Variants in EVI5 observed in about 807,000 individuals in gnomAD.
EVI5 encodes the protein ecotropic viral integration site 5 protein homolog.
In EVI5, 73 loss-of-function variants were observed where a neutral mutation model predicts 112.0. The observed-to-expected ratio is 0.65, with a 90% CI of 0.54 to 0.79. The LOEUF (loss-of-function observed/expected upper bound fraction) is 0.79, where lower values mean the gene tolerates loss of function less well. EVI5 is among the 30% of genes least tolerant of loss of function. The pLI is 0.00. For synonymous variants in EVI5, 305 were observed against 319.9 expected, an observed-to-expected ratio of 0.95 and a Z score of 0.50; for missense variants, 900 against 968.8, an observed-to-expected ratio of 0.93 and a Z score of 0.94.
intron 16 of EVI5, among the ~76,000 whole-genome samples, chr1:92,622,676 A>G (rs1422274363): frequency 6.6e-6 from 1 of 152,234 alleles, no homozygotes; most frequent in Non-Finnish European, 1.5e-5. Flanking sequence ...TCATTTATCA[A>G]TGTAAAAATT....
intron 1 of EVI5, among the ~76,000 whole-genome samples, chr1:92,763,953 A>T (rs1682252030): frequency 6.6e-6 from 1 of 152,232 alleles, no homozygotes; most frequent in Non-Finnish European, 1.5e-5. Flanking sequence ...TGCCTGTATC[A>T]GAGGCAAATG....
chr1:92,694,938 G>C (rs1222712801), intron 7 of EVI5, among the ~76,000 whole-genome samples: 1 of 152,108 alleles, frequency 6.6e-6, no homozygotes, highest in Non-Finnish European at 1.5e-5. Context: ...AATATTAACT[G>C]TAAGACAAAT....
intron 19 of EVI5, among the ~76,000 whole-genome samples, chr1:92,553,903 C>T (rs1039655205): frequency 1.3e-5 from 2 of 152,178 alleles, no homozygotes; most frequent in Admixed American, 6.5e-5. Flanking sequence ...AAACAGAATG[C>T]TTTTAACAGC....
chr1:92,733,410 T>TC (rs1260054251), intron 2 of EVI5, among the ~76,000 whole-genome samples: 1 of 151,162 alleles, frequency 6.6e-6, no homozygotes, highest in African/African-American at 2.4e-5. Context: ...TATCATCTTT[T>TC]TTTTTTTTTT....
At position 92,693,782 on chromosome 1, in the gene EVI5, C is replaced by T; in HGVS notation, c.1097+20G>A. On this transcript the variant is annotated intron_variant, in intron 9 of 19. Coordinates refer to ENST00000684568, the MANE Select transcript of EVI5 (RefSeq NM_001350197.2). Reference sequence around the variant, plus strand: ...TTTGCAACTTCCACTGAATTTCCAACAAAAATATAAAATACTTACTTTTTC... The same window carrying T: ...TTTGCAACTTCCACTGAATTTCCAATAAAAATATAAAATACTTACTTTTTC... 7.2e-7 allele frequency: 1 copy of T among 1,389,318 alleles called. No individual in the cohort carries two copies. The highest frequency in any genetic ancestry group is 1.0e-6 in the Non-Finnish European group (1 of 985,280). 86.1% of individuals were successfully genotyped at this position (1,389,318 alleles called of 1,614,324 possible). A position where few individuals can be genotyped will look rare whatever the true frequency, so the allele number is the denominator to read the frequency against.
intron 9 of EVI5, among the ~76,000 whole-genome samples, chr1:92,690,412 A>C (rs1669306177): frequency 6.6e-6 from 1 of 151,732 alleles, no homozygotes; most frequent in African/African-American, 2.4e-5. Context: ...ACAGTGACGC[A>C]ATCACAGTTC....
At chr1:92,785,271 CT>C (rs1443335875), upstream of EVI5, among the ~76,000 whole-genome samples, 8 of 152,244 alleles carry the variant, frequency 5.3e-5, no homozygotes, top group Non-Finnish European at 1.5e-5. Flanking sequence ...CTCCGCCTCT[CT>C]TTCAAAGCAC....
chr1:92,669,451 G>A (rs1198385878), intron 10 of EVI5, among the ~76,000 whole-genome samples: 3 of 148,814 alleles, frequency 2.0e-5, no homozygotes, highest in Non-Finnish European at 4.4e-5. Context: ...AGGAGGCTGA[G>A]GCAGGAGAAT....
chr1:92,553,183 C>T (rs778074217), intron 19 of EVI5, among the ~76,000 whole-genome samples: 17 of 151,042 alleles, frequency 1.1e-4, no homozygotes, highest in South Asian at 4.2e-4. Context: ...CAGGCTGGAA[C>T]GCAGTGGTAC....
chr1:92,730,015 A>G (rs1256463856), intron 2 of EVI5, among the ~76,000 whole-genome samples: 1 of 152,218 alleles, frequency 6.6e-6, no homozygotes, highest in East Asian at 1.9e-4. Context: ...AGTAGAGGCA[A>G]AAAAAGCATT....
chr1:92,529,222 T>G (rs1367952994), intron 19 of EVI5, among the ~76,000 whole-genome samples: 1 of 152,220 alleles, frequency 6.6e-6, no homozygotes, highest in African/African-American at 2.4e-5. Flanking sequence ...AGGAAAAGAA[T>G]AACTGGTTTG....
At chr1:92,687,463 T>C (rs1668748075) in intron 9 of EVI5, among the ~76,000 whole-genome samples, 2 of 152,100 alleles carry the variant, frequency 1.3e-5, no homozygotes, top group Admixed American at 1.3e-4. Flanking sequence ...GCAGTACCAT[T>C]CAGGACATAG....
intron 19 of EVI5, among the ~76,000 whole-genome samples, chr1:92,521,757 A>G (rs1483070129): frequency 2.0e-5 from 3 of 152,182 alleles, no homozygotes; most frequent in African/African-American, 7.2e-5. Flanking sequence ...AAAATTATCA[A>G]TGATTTCATG....
At chr1:92,623,056 C>T (rs1358834750) in intron 16 of EVI5, among the ~76,000 whole-genome samples, 4 of 127,532 alleles carry the variant, frequency 3.1e-5, no homozygotes, top group Non-Finnish European at 6.5e-5. Flanking sequence ...TGAAATAAAT[C>T]CTCAACAATG....
At chr1:92,590,904 C>G (rs547819703) in intron 18 of EVI5, among the ~76,000 whole-genome samples, 1 of 152,344 alleles carries the variant, frequency 6.6e-6, no homozygotes, top group Admixed American at 6.5e-5. Context: ...ATTAGACTAA[C>G]AGCTGATCTC....
intron 13 of EVI5, among the ~76,000 whole-genome samples, chr1:92,661,816 C>T (rs1664064838): frequency 6.6e-6 from 1 of 152,046 alleles, no homozygotes; most frequent in South Asian, 2.1e-4. Flanking sequence ...AAAGAACGTC[C>T]TACTTTGCAG....
chr1:92,551,245 C>G (rs544561158), intron 19 of EVI5, among the ~76,000 whole-genome samples: 90 of 140,500 alleles, frequency 6.4e-4, no homozygotes, highest in Non-Finnish European at 1.0e-3. Flanking sequence ...GTTGCTCAGG[C>G]TGATCTTGAA....
chr1:92,642,108 G>T (rs1660091450), intron 13 of EVI5, among the ~76,000 whole-genome samples: 2 of 151,926 alleles, frequency 1.3e-5, no homozygotes, highest in South Asian at 4.1e-4. Flanking sequence ...TCCAGCCTGG[G>T]CAACAGAGCG....
chr1:92,630,742 C>A (rs1162265478), intron 14 of EVI5, among the ~76,000 whole-genome samples: 6 of 152,046 alleles, frequency 3.9e-5, no homozygotes, highest in Admixed American at 3.9e-4. Flanking sequence ...AAGTCCTTGC[C>A]CACGCCTATG....
Sources: gnomAD v4.1 joint callset for allele counts (sites outside exome capture counted in the v4.1 genomes callset) on GRCh38, gnomAD v4.1.1 for gene constraint, MANE v1.5 for transcripts, NCBI Gene and HGNC (gene_info 2026-07-23, HGNC 2026-07-21) for gene names.